The following NDUFAF6 variants were observed in gnomAD, a reference collection of about 807,000 sequenced individuals.
NDUFAF6 encodes NADH dehydrogenase (ubiquinone) complex I, assembly factor 6.
Under a neutral mutation model 40.8 loss-of-function variants are expected in NDUFAF6, and 45 were observed. That is an observed-to-expected ratio of 1.10 (90% CI 0.87 to 1.42). NDUFAF6 has a LOEUF of 1.42. Among genes scored for constraint, NDUFAF6 ranks in the 40% most tolerant of loss-of-function variants. The pLI, the probability that NDUFAF6 is intolerant of heterozygous loss-of-function variation, is 0.00. For synonymous variants in NDUFAF6, 185 were observed against 155.9 expected, an observed-to-expected ratio of 1.19 and a Z score of -1.39; for missense variants, 435 against 418.5, an observed-to-expected ratio of 1.04 and a Z score of -0.34.
chr8:94,926,349 T>C (rs1265282381), intron 1 of NDUFAF6: 2 of 151,600 alleles, frequency 1.3e-5, no homozygotes, highest in Non-Finnish European at 2.9e-5. Context: ...TCAGTCTCCC[T>C]AACTCATGCC....
upstream of NDUFAF6, among the ~76,000 whole-genome samples, chr8:94,955,796 A>T (rs1823022014): frequency 6.6e-6 from 1 of 152,212 alleles, no homozygotes; most frequent in Non-Finnish European, 1.5e-5. Flanking sequence ...GGTGGTCTTG[A>T]CCTATGCTTG....
intron 2 of NDUFAF6, among the ~76,000 whole-genome samples, chr8:95,006,639 G>A (rs567728017): frequency 7.2e-5 from 11 of 152,272 alleles, no homozygotes; most frequent in Admixed American, 5.2e-4. Context: ...CCAGCATTTT[G>A]GGAGGCTAAG....
rs145424570 is a variant in NDUFAF6 at position 94,973,909 on chromosome 8, T to G, written c.-198-6950T>G. 4.8e-3 allele frequency among the ~76,000 whole-genome samples: 730 copies of G among 151,514 alleles called. 28 individuals carry two copies. The highest frequency in any genetic ancestry group is 0.042 in the Admixed American group (640 of 15,216). On this transcript the variant is annotated intron_variant, in intron 1 of 9. Transcript: ENST00000396111. Reference sequence around the variant, plus strand: ...GACATGGAATCTTTGATCTTGGACTTCCCACCCTCCAGAACTGTGAGAAAT... The same window carrying G: ...GACATGGAATCTTTGATCTTGGACTGCCCACCCTCCAGAACTGTGAGAAAT...
At chr8:94,947,032 G>A (rs558966242) in intron 2 of NDUFAF6, among the ~76,000 whole-genome samples, 2 of 152,188 alleles carry the variant, frequency 1.3e-5, no homozygotes, top group East Asian at 3.9e-4. Flanking sequence ...TATGTAACGG[G>A]GCCTTGAAGT....
At chr8:94,910,562 T>C (rs1382309470) in intron 1 of NDUFAF6, among the ~76,000 whole-genome samples, 4 of 152,116 alleles carry the variant, frequency 2.6e-5, no homozygotes, top group Non-Finnish European at 4.4e-5. Flanking sequence ...GAGTTCACAT[T>C]GCACAGAATC....
intron 1 of NDUFAF6, among the ~76,000 whole-genome samples, chr8:94,974,155 C>G (rs1391243761): frequency 6.6e-6 from 1 of 151,930 alleles, no homozygotes; most frequent in Non-Finnish European, 1.5e-5. Flanking sequence ...AGGGCACTGA[C>G]CAGCTCTTGT....
At chr8:94,949,807 C>T (rs1241982211) in intron 2 of NDUFAF6, among the ~76,000 whole-genome samples, 1 of 152,116 alleles carries the variant, frequency 6.6e-6, no homozygotes, top group Non-Finnish European at 1.5e-5. Flanking sequence ...AACGTTTTTT[C>T]CTGTGAGAGG....
intron 1 of NDUFAF6, among the ~76,000 whole-genome samples, chr8:94,962,563 G>C (rs941598454): frequency 5.4e-4 from 82 of 152,074 alleles, no homozygotes; most frequent in African/African-American, 1.9e-3. Context: ...AAAGTGCTGG[G>C]ATTACAAGCA....
downstream of NDUFAF6, among the ~76,000 whole-genome samples, chr8:95,079,186 G>A (rs1314774993): frequency 6.6e-6 from 1 of 151,982 alleles, no homozygotes; most frequent in African/African-American, 2.4e-5. Flanking sequence ...TGGTCAGGCT[G>A]GTCTCAAACT....
rs1020947366 is a variant in NDUFAF6, at chr8:95,058,195, G to A, written c.*258G>A. 7.0e-7 allele frequency: 1 copy of A among 1,420,286 alleles called. No individual in the cohort carries two copies. The highest frequency in any genetic ancestry group is 9.1e-7 in the Non-Finnish European group (1 of 1,096,214). The allele number at this position is 1,420,286 out of a possible 1,614,324, so 88.0% of individuals were successfully genotyped here. ...GTCCCTGGAAGCTGGAGCTCCAACAGGGAATATTGGTGTAGCTGTGCATAG... is the reference window on the plus strand; with the variant it reads ...GTCCCTGGAAGCTGGAGCTCCAACAAGGAATATTGGTGTAGCTGTGCATAG... On this transcript the variant is annotated 3_prime_UTR_variant, in exon 9 of 9. Coordinates refer to ENST00000396124, the MANE Select transcript of NDUFAF6 (RefSeq NM_152416.4).
intron 2 of NDUFAF6, among the ~76,000 whole-genome samples, chr8:95,003,271 A>G (rs564830559): frequency 6.6e-6 from 1 of 152,364 alleles, no homozygotes; most frequent in Admixed American, 6.5e-5. Context: ...ACAAAAAATT[A>G]CAATAAAATA....
chr8:95,054,865 A>G (rs1445395416), intron 8 of NDUFAF6, among the ~76,000 whole-genome samples: 1 of 152,232 alleles, frequency 6.6e-6, no homozygotes, highest in Non-Finnish European at 1.5e-5. Flanking sequence ...TATATGGGGC[A>G]TCTGTTAATT....
rs563445319 is a variant in NDUFAF6 at position 94,940,180 on chromosome 8, CTCT to C, written c.-935-5287_-935-5285del. 634 of 1,599,600 alleles carry C rather than the reference CTCT, an allele frequency of 4.0e-4. 2 individuals are homozygous for C. Among genetic ancestry groups the C allele is most frequent in the South Asian group, 3.0e-3 (272 of 90,098 alleles). On this transcript the variant is annotated intron_variant, in intron 1 of 14. Coordinates refer to the NDUFAF6 transcript ENST00000396113. ...TAGGTGACTCTTCACTGATGTCCTC[CTCT>C]TCTTCTTCTTCTTCTGCTGAGAAAC...
At chr8:94,916,636 A>G (rs1227629833) in intron 1 of NDUFAF6, among the ~76,000 whole-genome samples, 1 of 151,772 alleles carries the variant, frequency 6.6e-6, no homozygotes, top group African/African-American at 2.4e-5. Flanking sequence ...CAATATGGCA[A>G]AACCCCTTCT....
chr8:94,933,848 GGAT>G lies in NDUFAF6; in HGVS notation c.-935-11634_-935-11632del, dbSNP rs1369512840. ...CCAGCACTTTGTGGGGGGGGGGGGA[GGAT>G]CACGAGGTCAGGAGTTCAAGACCAG... On this transcript the variant is annotated intron_variant, in intron 1 of 14. Coordinates refer to the NDUFAF6 transcript ENST00000396113. 4.3e-4 allele frequency among the ~76,000 whole-genome samples: 62 copies of G among 143,332 alleles called. 1 individual carries two copies. The highest frequency in any genetic ancestry group is 1.6e-3 in the African/African-American group (61 of 38,748). The allele number at this position is 143,332 out of a possible 152,430, so 94.0% of individuals were successfully genotyped here. A position where few individuals can be genotyped will look rare whatever the true frequency, so the allele number is the denominator to read the frequency against.
chr8:95,010,456 A>T (rs1827181443), intron 2 of NDUFAF6, among the ~76,000 whole-genome samples: 1 of 152,156 alleles, frequency 6.6e-6, no homozygotes, highest in African/African-American at 2.4e-5. Context: ...AATCAGAATA[A>T]ATGTCAAGAT....
At chr8:95,043,518 A>C (rs541337932) in intron 4 of NDUFAF6, among the ~76,000 whole-genome samples, 1 of 152,054 alleles carries the variant, frequency 6.6e-6, no homozygotes, top group South Asian at 2.1e-4. Flanking sequence ...ATATGCAAGA[A>C]ACTCTTACAA....
intron 1 of NDUFAF6, among the ~76,000 whole-genome samples, chr8:94,925,415 C>T (rs770669225): frequency 6.6e-6 from 1 of 152,146 alleles, no homozygotes; most frequent in Non-Finnish European, 1.5e-5. Context: ...ATCCACCTGG[C>T]TTCAAAAAGG....
At chr8:95,092,792 G>C (rs1809305005) in intron 2 of NDUFAF6, among the ~76,000 whole-genome samples, 1 of 152,040 alleles carries the variant, frequency 6.6e-6, no homozygotes, top group African/African-American at 2.4e-5. Context: ...CACTGTGTTA[G>C]CCAGGATGAT....
Sources: allele counts gnomAD v4.1 joint callset (sites outside exome capture counted in the v4.1 genomes callset), GRCh38; gene constraint gnomAD v4.1.1; transcripts MANE v1.5; gene names NCBI Gene and HGNC (gene_info 2026-07-23, HGNC 2026-07-21).